The following PTPRD variants were observed in gnomAD, a reference collection of about 807,000 sequenced individuals.
The protein encoded by PTPRD is protein tyrosine phosphatase receptor type D.
A neutral mutation model predicts 214.5 loss-of-function variants in PTPRD; 34 were observed. The ratio of observed to expected loss-of-function variants is 0.16; its 90% CI spans 0.12 to 0.21. The LOEUF (loss-of-function observed/expected upper bound fraction) is 0.21, where lower values mean the gene tolerates loss of function less well. Among genes scored for constraint, PTPRD ranks in the 10% least tolerant of loss-of-function variants. The probability of loss-of-function intolerance (pLI) is 1.00; values close to 1 mark genes in which losing one functional copy is unlikely to be tolerated. For missense variants in PTPRD, 2,545 were observed against 2,398.7 expected (o/e 1.06, Z -1.27); for synonymous variants, 1,128 against 845.7 (o/e 1.33, Z -5.79).
rs567471562 is a variant in PTPRD, at chr9:9,389,796, T to C, written c.-203+7653A>G. 4.6e-5 allele frequency among the ~76,000 whole-genome samples: 7 copies of C among 152,308 alleles called. No homozygotes were observed. The South Asian group carries it at 1.2e-3, about 27-fold the overall frequency. On this transcript the variant is annotated intron_variant, in intron 9 of 45. Transcript: ENST00000381196. ...TTTGACTGTCCATTTGTGCAACAAA[T>C]AGTTATTGAACATTCACTCTGTGCC...
intron 8 of PTPRD, among the ~76,000 whole-genome samples, chr9:9,446,197 G>C (rs541104510): frequency 6.6e-6 from 1 of 152,106 alleles, no homozygotes; most frequent in Admixed American, 6.6e-5. Context: ...GTTCAAGAAA[G>C]ACTACACTTA....
chr9:8,842,412 T>A (rs2097576425), intron 11 of PTPRD, among the ~76,000 whole-genome samples: 1 of 152,202 alleles, frequency 6.6e-6, no homozygotes, highest in African/African-American at 2.4e-5. Context: ...GAATAAAAGT[T>A]AGGGTATACA....
At chr9:10,458,809 T>C (rs978526738) in intron 2 of PTPRD, among the ~76,000 whole-genome samples, 1 of 152,188 alleles carries the variant, frequency 6.6e-6, no homozygotes, top group African/African-American at 2.4e-5. Flanking sequence ...CAAAAACTGT[T>C]AGGTCTAATA....
In PTPRD at chr9:8,319,486, G is replaced by A. The variant is rs187866836; in HGVS notation, c.5670+345C>T. On this transcript the variant is annotated intron_variant, in intron 45 of 45. Coordinates refer to ENST00000381196, the MANE Select transcript of PTPRD (RefSeq NM_002839.4). Reference sequence around the variant, plus strand: ...GTTAAATGGGCTGAGATTATATTATGTACTAAATATTATGCTTTCTATATA... The same window carrying A: ...GTTAAATGGGCTGAGATTATATTATATACTAAATATTATGCTTTCTATATA... 4.0e-5 allele frequency among the ~76,000 whole-genome samples: 6 copies of A among 151,814 alleles called. No individual in the cohort carries two copies. The East Asian group carries it at 1.2e-3, about 29-fold the overall frequency.
chr9:10,519,137 C>G (rs1398529771), intron 2 of PTPRD, among the ~76,000 whole-genome samples: 1 of 151,200 alleles, frequency 6.6e-6, no homozygotes, highest in Non-Finnish European at 1.5e-5. Flanking sequence ...AGTTAGATAA[C>G]TCTTGAGGAC....
At chr9:9,751,246 T>C (rs977242120) in intron 6 of PTPRD, among the ~76,000 whole-genome samples, 3 of 152,144 alleles carry the variant, frequency 2.0e-5, no homozygotes, top group African/African-American at 7.2e-5. Flanking sequence ...CCCTGCAAGA[T>C]GACTTTAGTT....
chr9:9,404,747 T>C (rs760572166), intron 8 of PTPRD, among the ~76,000 whole-genome samples: 1 of 152,036 alleles, frequency 6.6e-6, no homozygotes, highest in Non-Finnish European at 1.5e-5. Flanking sequence ...AGAACATGTA[T>C]GAAGTCAAGG....
intron 14 of PTPRD, among the ~76,000 whole-genome samples, chr9:8,565,346 G>C (rs950188759): frequency 6.6e-6 from 1 of 152,118 alleles, no homozygotes; most frequent in Non-Finnish European, 1.5e-5. Flanking sequence ...CTGCTTTCAT[G>C]TGAGAACCAT....
intron 7 of PTPRD, among the ~76,000 whole-genome samples, chr9:9,672,709 T>C (rs2096854509): frequency 6.6e-6 from 1 of 152,088 alleles, no homozygotes; most frequent in African/African-American, 2.4e-5. Context: ...CAGGGAGTTA[T>C]TATCCACCCA....
At chr9:10,318,001 C>T (rs188472692) in intron 3 of PTPRD, among the ~76,000 whole-genome samples, 1 of 152,110 alleles carries the variant, frequency 6.6e-6, no homozygotes, top group East Asian at 1.9e-4. Context: ...TAAAATTTAA[C>T]TATTTAGTCA....
intron 9 of PTPRD, among the ~76,000 whole-genome samples, chr9:9,333,368 A>G (rs560681782): frequency 3.3e-5 from 5 of 151,424 alleles, no homozygotes; most frequent in Non-Finnish European, 3.0e-5. Flanking sequence ...AGGGGAGAGG[A>G]TGGAGTAAAG....
chr9:8,841,451 G>A (rs187496165), intron 11 of PTPRD, among the ~76,000 whole-genome samples: 169 of 152,156 alleles, frequency 1.1e-3, no homozygotes, highest in African/African-American at 3.5e-3. Flanking sequence ...ATTAAAAAAT[G>A]TTGTGTGGGG....
intron 9 of PTPRD, among the ~76,000 whole-genome samples, chr9:9,332,076 G>T (rs963504057): frequency 6.6e-6 from 1 of 152,002 alleles, no homozygotes; most frequent in African/African-American, 2.4e-5. Context: ...CACATGTAGA[G>T]GTGAGGAGGA....
chr9:10,231,325 C>A (rs988662942), intron 3 of PTPRD, among the ~76,000 whole-genome samples: 2 of 148,892 alleles, frequency 1.3e-5, no homozygotes, highest in East Asian at 2.1e-4. Flanking sequence ...GGAAAACACT[C>A]AGAGAACAAA....
intron 11 of PTPRD, among the ~76,000 whole-genome samples, chr9:8,836,272 C>A (rs1013882616): frequency 2.6e-5 from 4 of 152,040 alleles, no homozygotes; most frequent in Non-Finnish European, 2.9e-5. Flanking sequence ...TTTTGATAGT[C>A]TAAGAGAACA....
intron 4 of PTPRD, among the ~76,000 whole-genome samples, chr9:9,981,958 C>T (rs2095557332): frequency 6.6e-6 from 1 of 152,128 alleles, no homozygotes; most frequent in African/African-American, 2.4e-5. Flanking sequence ...TACCACAGGG[C>T]ATGACACATT....
chr9:8,459,548 A>T (rs965367732), intron 33 of PTPRD, among the ~76,000 whole-genome samples: 1 of 152,092 alleles, frequency 6.6e-6, no homozygotes, highest in Non-Finnish European at 1.5e-5. Flanking sequence ...TTCTTAAGAC[A>T]GAAAGAATTT....
At chr9:9,721,106 C>A (rs1318419790) in intron 7 of PTPRD, among the ~76,000 whole-genome samples, 1 of 152,006 alleles carries the variant, frequency 6.6e-6, no homozygotes, top group Non-Finnish European at 1.5e-5. Context: ...ATCTATATAA[C>A]AAACCTGCAT....
intron 14 of PTPRD, among the ~76,000 whole-genome samples, chr9:8,594,940 G>A (rs1317385494): frequency 1.4e-5 from 2 of 140,036 alleles, no homozygotes; most frequent in Non-Finnish European, 3.0e-5. Context: ...TTGGCTCACT[G>A]TAAGCTCCGC....
Sources: gnomAD v4.1 joint callset for allele counts (sites outside exome capture counted in the v4.1 genomes callset) on GRCh38, gnomAD v4.1.1 for gene constraint, MANE v1.5 for transcripts, NCBI Gene and HGNC (gene_info 2026-07-23, HGNC 2026-07-21) for gene names.